The following SGCZ variants were observed in gnomAD, a reference collection of about 807,000 sequenced individuals.
The protein encoded by SGCZ is zeta-sarcoglycan.
SGCZ carries 40 observed loss-of-function variants against 41.3 expected under a neutral mutation model. The observed-to-expected ratio is 0.97, with a 90% confidence interval of 0.75 to 1.26. SGCZ has a LOEUF of 1.26. Ranked by LOEUF, SGCZ falls within the 50% of genes most tolerant of loss-of-function variation. The pLI, the probability that SGCZ is intolerant of heterozygous loss-of-function variation, is 0.00. For synonymous variants in SGCZ, 206 were observed against 137.5 expected (o/e 1.50, Z -3.49); for missense variants, 552 against 369.8 (o/e 1.49, Z -4.04).
intron 1 of SGCZ, among the ~76,000 whole-genome samples, chr8:14,562,488 T>C (rs1804235829): frequency 1.3e-5 from 2 of 152,136 alleles, no homozygotes; most frequent in African/African-American, 4.8e-5. Context: ...TAATTAGTGA[T>C]AGATATTACA....
intron 1 of SGCZ, among the ~76,000 whole-genome samples, chr8:14,757,953 T>C (rs1479961186): frequency 1.3e-5 from 2 of 152,288 alleles, no homozygotes; most frequent in African/African-American, 4.8e-5. Flanking sequence ...CCAATAACTC[T>C]ATGAGATATG....
intron 1 of SGCZ, among the ~76,000 whole-genome samples, chr8:14,680,261 T>C (rs1338522885): frequency 1.3e-5 from 2 of 152,132 alleles, no homozygotes; most frequent in African/African-American, 4.8e-5. Flanking sequence ...CTCTGTATGA[T>C]GCTATAATGG....
chr8:15,161,818 T>G (rs1466903017), intron 1 of SGCZ, among the ~76,000 whole-genome samples: 2 of 152,116 alleles, frequency 1.3e-5, no homozygotes, highest in Non-Finnish European at 2.9e-5. Context: ...GTAGATCACT[T>G]GAGGCCAGGA....
chr8:14,981,779 T>C lies in SGCZ; in HGVS notation c.39+255806A>G, dbSNP rs185557722. ...AAAGAACGAGACCCACCAAATATTT[T>C]AATCATAGTGCATATTCTACTTAAA... On this transcript the variant is annotated intron_variant, in intron 1 of 7. Transcript: ENST00000382080. Among the ~76,000 whole-genome samples, 28 of 152,290 alleles carry C rather than the reference T, an allele frequency of 1.8e-4. 2 individuals are homozygous for C. In the East Asian group the frequency reaches 4.8e-3, roughly 26 times the overall value.
At chr8:14,882,497 G>C (rs1804630703) in intron 1 of SGCZ, among the ~76,000 whole-genome samples, 2 of 152,012 alleles carry the variant, frequency 1.3e-5, no homozygotes, top group South Asian at 4.2e-4. Context: ...TGTATCTATA[G>C]ACACAATCTC....
chr8:14,852,010 AC>A (rs1803347307), intron 1 of SGCZ, among the ~76,000 whole-genome samples: 1 of 152,186 alleles, frequency 6.6e-6, no homozygotes, highest in South Asian at 2.1e-4. Context: ...TTTCTAGGAA[AC>A]AAACTTTAGC....
chr8:14,232,082 T>C lies in SGCZ; in HGVS notation c.424+5510A>G, dbSNP rs565084487. On this transcript the variant is annotated intron_variant, in intron 4 of 7. Transcript: ENST00000382080. ...ACAGGAAAACAAATTTTCAAAATTATTTACTTTCAGAATCCTAATGACCAA... is the reference window on the plus strand; with the variant it reads ...ACAGGAAAACAAATTTTCAAAATTACTTACTTTCAGAATCCTAATGACCAA... 5.6e-4 allele frequency among the ~76,000 whole-genome samples: 85 copies of C among 152,084 alleles called. No homozygotes were observed. The South Asian group carries it at 5.6e-3, about 10-fold the overall frequency.
At chr8:15,161,453 CATCAGG>C (rs1000844454) in intron 1 of SGCZ, among the ~76,000 whole-genome samples, 1 of 152,026 alleles carries the variant, frequency 6.6e-6, no homozygotes, top group Non-Finnish European at 1.5e-5. Flanking sequence ...AATTTTTCAC[CATCAGG>C]ATGTCTGCTT....
At chr8:14,244,224 C>T (rs1179519014) in intron 3 of SGCZ, among the ~76,000 whole-genome samples, 1 of 150,722 alleles carries the variant, frequency 6.6e-6, no homozygotes, top group East Asian at 1.9e-4. Context: ...CCTTCTTCCT[C>T]CTCCTTCTCT....
chr8:15,200,646 A>G (rs149127770), intron 1 of SGCZ, among the ~76,000 whole-genome samples: 8 of 152,308 alleles, frequency 5.3e-5, no homozygotes, highest in Non-Finnish European at 1.0e-4. Context: ...GATCCTTTCT[A>G]TAACATTAGT....
chr8:14,412,440 T>C lies in SGCZ; in HGVS notation c.235-88236A>G, dbSNP rs560056549. 2.1e-4 allele frequency among the ~76,000 whole-genome samples: 32 copies of C among 152,248 alleles called. No individual in the cohort carries two copies. The South Asian group carries it at 6.6e-3, about 32-fold the overall frequency. The stretch of plus-strand genomic sequence containing the variant: ...TGTCTAGTTCATATGAATGGAATTA[T>C]GTGGTGAAATATTCAAATGAATTGC... On this transcript the variant is annotated intron_variant, in intron 2 of 7. Transcript: ENST00000382080.
intron 4 of SGCZ, among the ~76,000 whole-genome samples, chr8:14,196,880 T>C (rs1805282427): frequency 6.6e-6 from 1 of 152,100 alleles, no homozygotes; most frequent in South Asian, 2.1e-4. Flanking sequence ...AAATAAATTC[T>C]AATTTAAAGC....
chr8:14,807,901 G>T (rs1403417899), intron 1 of SGCZ, among the ~76,000 whole-genome samples: 1 of 152,046 alleles, frequency 6.6e-6, no homozygotes, highest in Non-Finnish European at 1.5e-5. Flanking sequence ...CAATGGAACA[G>T]AACAGAGCCC....
chr8:14,101,380 A>C, intron 7 of SGCZ, among the ~76,000 whole-genome samples: 1 of 151,468 alleles, frequency 6.6e-6, no homozygotes, highest in East Asian at 1.9e-4. Context: ...GACCATGGAA[A>C]ATTGGGGAGA....
At chr8:14,763,683 G>A (rs907956694) in intron 1 of SGCZ, among the ~76,000 whole-genome samples, 5 of 152,092 alleles carry the variant, frequency 3.3e-5, no homozygotes, top group Admixed American at 2.6e-4. Context: ...AGAGGAGGTA[G>A]GAAGAAAACC....
rs766607682 is a variant in SGCZ at position 14,872,538 on chromosome 8, T to A, written c.40-317612A>T. Reference sequence around the variant, plus strand: ...TTTTATGAGAGCTGAAAAGTTGGCCTTGGGGGAATTAGAAGTCTTCTAATT... The same window carrying A: ...TTTTATGAGAGCTGAAAAGTTGGCCATGGGGGAATTAGAAGTCTTCTAATT... On this transcript the variant is annotated intron_variant, in intron 1 of 7. Coordinates refer to ENST00000382080, the MANE Select transcript of SGCZ (RefSeq NM_139167.4). Among the ~76,000 whole-genome samples the A allele has an allele frequency of 1.5e-4, 23 of 152,042 alleles. 1 individual carries two copies. Among genetic ancestry groups the A allele is most frequent in the Non-Finnish European group, 3.1e-4 (21 of 68,006 alleles).
At chr8:14,883,932 G>A (rs1313864098) in intron 1 of SGCZ, among the ~76,000 whole-genome samples, 1 of 151,892 alleles carries the variant, frequency 6.6e-6, no homozygotes, top group Middle Eastern at 3.2e-3. Context: ...GAAGGCAGCT[G>A]GATAGGTATG....
intron 2 of SGCZ, among the ~76,000 whole-genome samples, chr8:14,546,412 T>C (rs1803629279): frequency 6.6e-6 from 1 of 152,208 alleles, no homozygotes; most frequent in South Asian, 2.1e-4. Context: ...AAATATAGTT[T>C]AACCAGTGCG....
intron 1 of SGCZ, among the ~76,000 whole-genome samples, chr8:15,226,187 C>G (rs1801766760): frequency 6.6e-6 from 1 of 152,140 alleles, no homozygotes; most frequent in Non-Finnish European, 1.5e-5. Context: ...ACCTACCTAC[C>G]TACCTCCCTA....
Sources: gnomAD v4.1 joint callset for allele counts (sites outside exome capture counted in the v4.1 genomes callset) on GRCh38, gnomAD v4.1.1 for gene constraint, MANE v1.5 for transcripts, NCBI Gene and HGNC (gene_info 2026-07-23, HGNC 2026-07-21) for gene names.